MTDH: variants seen among roughly 807,000 people sequenced by gnomAD.
MTDH encodes protein LYRIC.
A neutral mutation model predicts 72.7 loss-of-function variants in MTDH; 34 were observed. The ratio of observed to expected loss-of-function variants is 0.47; its 90% confidence interval spans 0.36 to 0.62. The LOEUF is 0.62. Ranked by LOEUF, MTDH falls within the 20% of genes least tolerant of loss-of-function variation. The pLI, the probability that MTDH is intolerant of heterozygous loss-of-function variation, is 0.00. For synonymous variants in MTDH, 266 were observed against 268.9 expected (o/e 0.99, Z 0.10); for missense variants, 677 against 699.4 (o/e 0.97, Z 0.36).
chr8:97,661,142 A>G lies in MTDH; in HGVS notation c.452A>G (p.Gln151Arg). 6.2e-7 allele frequency: 1 copy of G among 1,612,528 alleles called. No homozygotes were observed. The highest frequency in any genetic ancestry group is 8.5e-7 in the Non-Finnish European group (1 of 1,179,208). ...VRTPQSVTAK[Q>R]PPEIDKKNEK... ...ACACCTCAAAGTGTAACAGCAAAGCAGCCACCAGAGATTGACAAGAAAAAT... is the reference window on the plus strand; with the variant it reads ...ACACCTCAAAGTGTAACAGCAAAGCGGCCACCAGAGATTGACAAGAAAAAT... The change falls in exon 2 of 12, where the codon CAG becomes CGG. Residue 151 changes from glutamine to arginine, a missense_variant. By Grantham distance (43) the Gln-to-Arg change is conservative. Around this residue, in one of 3 missense-constraint regions of MTDH, gnomAD observed 467 missense variants for 469.1 expected, o/e 1.00. Transcript: ENST00000336273.
chr8:97,689,461 T>C (rs1813495460), intron 5 of MTDH, among the ~76,000 whole-genome samples: 1 of 146,650 alleles, frequency 6.8e-6, no homozygotes, highest in African/African-American at 2.6e-5. Flanking sequence ...GATGCTTGTA[T>C]GTTAAAAAAA....
intron 6 of MTDH, among the ~76,000 whole-genome samples, chr8:97,697,111 C>T (rs1813866723): frequency 1.2e-5 from 1 of 83,930 alleles, no homozygotes. Flanking sequence ...GAGTGAGACT[C>T]TGTCTCACAA....
intron 6 of MTDH, among the ~76,000 whole-genome samples, chr8:97,694,736 A>G (rs1278041806): frequency 2.0e-5 from 3 of 152,074 alleles, no homozygotes. Flanking sequence ...CAGCCTGGGC[A>G]ACATGGTGAA....
intron 2 of MTDH, among the ~76,000 whole-genome samples, chr8:97,685,152 A>C (rs1392739060): frequency 6.6e-6 from 1 of 152,170 alleles, no homozygotes; most frequent in East Asian, 1.9e-4. Flanking sequence ...TAAAAGGGTG[A>C]CTATTATGGT....
At position 97,703,661 on chromosome 8, in the gene MTDH, C is replaced by T. The variant is rs142014279; in HGVS notation, c.1148-2965C>T. ...AAGATGAGTAGTTGGTTCCAGACAT[C>T]TACTAGACTGAATTGAAGTATATCT... is the stretch of plus-strand genomic sequence containing the variant. On this transcript the variant is annotated intron_variant, in intron 7 of 11. Coordinates refer to ENST00000336273, the MANE Select transcript of MTDH (RefSeq NM_178812.4). Among the ~76,000 whole-genome samples the T allele has an allele frequency of 4.1e-4, 62 of 152,250 alleles. 1 individual carries two copies. In the East Asian group the frequency reaches 0.01, roughly 25 times the overall value.
At chr8:97,691,768 A>G (rs1813617847) in intron 6 of MTDH, among the ~76,000 whole-genome samples, 1 of 152,138 alleles carries the variant, frequency 6.6e-6, no homozygotes, top group Admixed American at 6.6e-5. Context: ...TTGCAAAATG[A>G]TAAGGAAAAT....
In MTDH at chr8:97,720,679, C is replaced by A. The variant is rs1264365055; in HGVS notation, c.1521+1490C>A. On this transcript the variant is annotated intron_variant, in intron 10 of 11. Coordinates refer to ENST00000336273, the MANE Select transcript of MTDH (RefSeq NM_178812.4). ...TTTTTTTTTTGAGACAAGAGTCTTG[C>A]TCTATTGCCCAGGCTGGAGTGCAGT... 5.9e-5 allele frequency among the ~76,000 whole-genome samples: 8 copies of A among 135,254 alleles called. No homozygotes were observed. The South Asian group carries it at 1.6e-3, about 28-fold the overall frequency. 88.7% of individuals were successfully genotyped at this position (135,254 alleles called of 152,430 possible). A position where few individuals can be genotyped will look rare whatever the true frequency, so the allele number is the denominator to read the frequency against.
chr8:97,644,589 G>C lies in MTDH; in HGVS notation c.83G>C (p.Gly28Ala). Residue 28 changes from glycine (G) to alanine (A), a missense_variant, in exon 1 of 12, where the codon GGC (glycine) becomes GCC (alanine). Gly to Ala is a moderately conservative substitution (Grantham distance 60). Coordinates refer to ENST00000336273, the MANE Select transcript of MTDH (RefSeq NM_178812.4). Reference sequence around the variant, plus strand: ...CGGCTGCGGGAAATGCTCTCGGTCGGCCTAGGCTTTCTGCGCACCGAGCTG... The same window carrying C: ...CGGCTGCGGGAAATGCTCTCGGTCGCCCTAGGCTTTCTGCGCACCGAGCTG... ...SARLREMLSV[G>A]LGFLRTELGL... 6.2e-7 allele frequency: 1 copy of C among 1,608,626 alleles called. No individual in the cohort carries two copies. Among genetic ancestry groups the C allele is most frequent in the Non-Finnish European group, 8.5e-7 (1 of 1,179,202 alleles).
At chr8:97,709,059 C>T (rs947641582) in intron 8 of MTDH, among the ~76,000 whole-genome samples, 6 of 151,856 alleles carry the variant, frequency 4.0e-5, no homozygotes, top group African/African-American at 9.7e-5. Context: ...GGCATGGTGG[C>T]GGGCACCTGT....
At chr8:97,713,878 C>A in intron 9 of MTDH, 109 bp downstream of exon 9, 1 of 500,796 alleles carries the variant, frequency 2.0e-6, no homozygotes, top group Non-Finnish European at 3.4e-6. Flanking sequence ...TATGAGACAT[C>A]ATTTATTTGA....
chr8:97,704,823 T>C (rs977742807), intron 7 of MTDH, among the ~76,000 whole-genome samples: 2 of 152,094 alleles, frequency 1.3e-5, no homozygotes, highest in African/African-American at 4.8e-5. Flanking sequence ...AAAACAATAA[T>C]AGAGTTCACC....
chr8:97,697,803 A>G (rs1299214672), intron 6 of MTDH, among the ~76,000 whole-genome samples: 1 of 152,074 alleles, frequency 6.6e-6, no homozygotes, highest in Non-Finnish European at 1.5e-5. Context: ...GGTCTCATAG[A>G]CTACATTTCA....
intron 2 of MTDH, among the ~76,000 whole-genome samples, chr8:97,662,395 A>C (rs562965390): frequency 1.6e-4 from 24 of 151,892 alleles, no homozygotes; most frequent in East Asian, 3.9e-4. Flanking sequence ...CAGGAAAAAA[A>C]AAACAAACAA....
chr8:97,698,677 T>C (rs976719398), intron 6 of MTDH, among the ~76,000 whole-genome samples: 1 of 152,254 alleles, frequency 6.6e-6, no homozygotes, highest in Non-Finnish European at 1.5e-5. Flanking sequence ...ATTTCTCTAA[T>C]GTTTCTTAGC....
At chr8:97,697,150 A>ATATTTTTTTTTTTTTTTTT in intron 6 of MTDH, among the ~76,000 whole-genome samples, 2 of 68,800 alleles carry the variant, frequency 2.9e-5, no homozygotes, top group African/African-American at 9.1e-5. Context: ...ATATATATAT[A>ATATTTTTTTTTTTTTTTTT]TTTTTTTTTT....
chr8:97,649,170 T>A (rs1368691158), intron 1 of MTDH, among the ~76,000 whole-genome samples: 1 of 152,238 alleles, frequency 6.6e-6, no homozygotes, highest in Admixed American at 6.5e-5. Context: ...AAGATGCATT[T>A]CTCAGAATGT....
intron 6 of MTDH, chr8:97,696,144 A>G: frequency 1.6e-6 from 1 of 614,366 alleles, no homozygotes; most frequent in Non-Finnish European, 2.0e-6. Context: ...TTAAATCTTT[A>G]CATATCTTTC....
Position 97,644,426 on chromosome 8 carries a change from C to T in MTDH, c.-81C>T, listed in dbSNP as rs980436173. On this transcript the variant is annotated 5_prime_UTR_variant, in exon 1 of 12. Transcript: ENST00000336273. ...CTCGGCCTGAGGTTACCCGGCCCGG[C>T]CCTTCCTCGCTTCCCTCGACTATTC... 9 of 1,485,496 alleles carry T rather than the reference C, an allele frequency of 6.1e-6. No individual in the cohort carries two copies. The African/African-American group carries it at 1.0e-4, about 17-fold the overall frequency. 92.0% of individuals were successfully genotyped at this position (1,485,496 alleles called of 1,614,324 possible). A position where few individuals can be genotyped will look rare whatever the true frequency, so the allele number is the denominator to read the frequency against.
At chr8:97,681,496 T>TC (rs887775559) in intron 2 of MTDH, among the ~76,000 whole-genome samples, 4 of 148,246 alleles carry the variant, frequency 2.7e-5, no homozygotes, top group South Asian at 2.1e-4. Flanking sequence ...TTTTTCTTTT[T>TC]TTTTTTTTTT....
Sources: allele counts gnomAD v4.1 joint callset (sites outside exome capture counted in the v4.1 genomes callset), GRCh38; gene constraint gnomAD v4.1.1; regional missense constraint gnomAD v4.1.1; transcripts MANE v1.5; gene names NCBI Gene and HGNC (gene_info 2026-07-23, HGNC 2026-07-21).